The following CLPTM1L variants were observed in gnomAD, a reference collection of about 807,000 sequenced individuals.
CLPTM1L encodes the protein lipid scramblase CLPTM1L.
Under a neutral mutation model 70.9 loss-of-function variants are expected in CLPTM1L, and 38 were observed. The observed-to-expected ratio is 0.54, with a 90% CI of 0.41 to 0.70. The LOEUF is 0.70. Among genes scored for constraint, CLPTM1L ranks in the 30% least tolerant of loss-of-function variants. The pLI, the probability that CLPTM1L is intolerant of heterozygous loss-of-function variation, is 0.00. For missense variants in CLPTM1L, 652 were observed against 705.9 expected, an observed-to-expected ratio of 0.92 and a Z score of 0.87; for synonymous variants, 339 against 299.9, an observed-to-expected ratio of 1.13 and a Z score of -1.35.
chr5:1,341,628 G>T (rs368271917), intron 3 of CLPTM1L, 43 bp downstream of exon 3: 1 of 1,520,898 alleles, frequency 6.6e-7, no homozygotes, highest in Non-Finnish European at 9.0e-7. Flanking sequence ...CCGTTCTGAC[G>T]GAGAGGCACA....
chr5:1,331,705 G>T, intron 8 of CLPTM1L, 94 bp downstream of exon 8: 1 of 1,074,892 alleles, frequency 9.3e-7, no homozygotes, highest in Non-Finnish European at 1.4e-6. Context: ...GGCTGTGTCT[G>T]CAGCCAGCAG....
intron 2 of CLPTM1L, among the ~76,000 whole-genome samples, chr5:1,343,629 T>A (rs1754087187): frequency 1.3e-5 from 2 of 152,228 alleles, no homozygotes; most frequent in Non-Finnish European, 2.9e-5. Flanking sequence ...GGGCAGGAAC[T>A]GGCTTGAGGT....
At position 1,318,216 on chromosome 5, in the gene CLPTM1L, C is replaced by G. The variant is rs1561224398; in HGVS notation, c.*153G>C. 5 of 641,574 alleles carry G rather than the reference C, an allele frequency of 7.8e-6. No homozygotes were observed. The East Asian group carries it at 1.4e-4, about 18-fold the overall frequency. The allele number at this position is 641,574 out of a possible 1,614,324, so 39.7% of individuals were successfully genotyped here. A position where few individuals can be genotyped will look rare whatever the true frequency, so the allele number is the denominator to read the frequency against. On this transcript the variant is annotated 3_prime_UTR_variant, in exon 17 of 17. Coordinates refer to ENST00000320895, the MANE Select transcript of CLPTM1L (RefSeq NM_030782.5). The surrounding 1 kb of genome is among the most constrained non-coding windows in gnomAD (Gnocchi z 8.9). ...ATCGTAAGCGCTACCAGCTCCAAAT[C>G]TGACGTGATGGGAACTTGGGAGATG...
chr5:1,340,575 G>A (rs368301353), intron 3 of CLPTM1L, among the ~76,000 whole-genome samples: 1 of 152,178 alleles, frequency 6.6e-6, no homozygotes, highest in East Asian at 1.9e-4. Flanking sequence ...CACTTTTCAG[G>A]ACACTGGAGA....
At position 1,331,806 on chromosome 5, in the gene CLPTM1L, G is replaced by A. The variant is rs1360055969; in HGVS notation, c.969C>T (p.Thr323=). Residue 323 remains threonine, a synonymous_variant, in exon 8 of 17, where the codon ACC becomes ACT. Coordinates refer to ENST00000320895, the MANE Select transcript of CLPTM1L (RefSeq NM_030782.5). The part of the protein sequence containing the change: ...KKKKSMIGMS[T]KAVLWRCFST... ...CACGCTCGGGGGGCCTACCTGCCTT[G>A]GTGGACATGCCGATCATGCTCTTCT... The A allele has an allele frequency of 3.1e-6, 5 of 1,613,264 alleles. No homozygotes were observed. Among genetic ancestry groups the A allele is most frequent in the Non-Finnish European group, 4.2e-6 (5 of 1,179,948 alleles).
Position 1,318,370 on chromosome 5 carries a change from C to A in CLPTM1L, c.1616G>T (p.Ter539LeuextTer16). 2 of 1,613,150 alleles carry A rather than the reference C, an allele frequency of 1.2e-6. No homozygotes were observed. Among genetic ancestry groups the A allele is most frequent in the Non-Finnish European group, 1.7e-6 (2 of 1,179,572 alleles). The change falls in exon 17 of 17, where the codon TGA becomes TTA. Residue 539 changes from the stop codon to leucine (L), a stop_lost. Coordinates refer to ENST00000320895, the MANE Select transcript of CLPTM1L (RefSeq NM_030782.5). The surrounding 1 kb of genome is among the most constrained non-coding windows in gnomAD (Gnocchi z 8.9). ...EKATRAPHTD[*>L] ...GGCTGGCGGCAGCCCGGGCGGCCTT[C>A]AGTCCGTGTGGGGCGCCCGCGTGGC...
In CLPTM1L at chr5:1,335,090, T is replaced by C; in HGVS notation, c.763A>G (p.Met255Val). 1 of 1,613,478 alleles carries C rather than the reference T, an allele frequency of 6.2e-7. No individual in the cohort carries two copies. Residue 255 changes from methionine (M) to valine (V), a missense_variant, in exon 6 of 17, where the codon ATG becomes GTG. By Grantham distance (21) the Met-to-Val change is conservative. Coordinates refer to ENST00000320895, the MANE Select transcript of CLPTM1L (RefSeq NM_030782.5). ...SLGRLRFWIH[M>V]QDAVYSLQQF... ...TGCAGGGAGTACACGGCGTCCTGCA[T>C]GTGGATCCAGAAGCGCAGCCGCCCC...
At chr5:1,336,924 G>A (rs1011834438) in intron 5 of CLPTM1L, among the ~76,000 whole-genome samples, 1 of 152,156 alleles carries the variant, frequency 6.6e-6, no homozygotes, top group Non-Finnish European at 1.5e-5. Flanking sequence ...CCAGGTGCTC[G>A]CTTCTCCGTT....
intron 16 of CLPTM1L, among the ~76,000 whole-genome samples, chr5:1,319,836 G>T (rs889200432): frequency 2.6e-5 from 4 of 152,256 alleles, no homozygotes; most frequent in African/African-American, 9.6e-5. Context: ...AGGCCCTGGG[G>T]CCGGCACTGG....
At chr5:1,321,610 A>G (rs1432650618) in intron 15 of CLPTM1L, 25 bp downstream of exon 15, 1 of 1,607,354 alleles carries the variant, frequency 6.2e-7, no homozygotes, top group East Asian at 2.2e-5. Flanking sequence ...GTGAGAAGGG[A>G]TTCCTCACCG....
At chr5:1,325,117 C>A in intron 10 of CLPTM1L, 1 of 496,742 alleles carries the variant, frequency 2.0e-6, no homozygotes, top group East Asian at 3.4e-5. Flanking sequence ...GCAGAGCACA[C>A]AGGCACAGCC....
intron 13 of CLPTM1L, among the ~76,000 whole-genome samples, chr5:1,322,127 G>C (rs1041724205): frequency 6.6e-6 from 1 of 152,222 alleles, no homozygotes; most frequent in Admixed American, 6.5e-5. Context: ...ATGAGGACAC[G>C]GCCTCCTGAC....
Position 1,320,638 on chromosome 5 carries a change from G to A in CLPTM1L, c.1510C>T (p.Leu504=). Residue 504 remains leucine (L), a synonymous_variant, in exon 16 of 17, where the codon CTG becomes TTG. Coordinates refer to ENST00000320895, the MANE Select transcript of CLPTM1L (RefSeq NM_030782.5). ...LACFRDDVVF[L]VYLYQRWLYP... Reference sequence around the variant, plus strand: ...CACCACCGCTGGTACAGGTAGACCAGAAACACCACGTCGTCCCGGAAGCAG... The same window carrying A: ...CACCACCGCTGGTACAGGTAGACCAAAAACACCACGTCGTCCCGGAAGCAG... 1 of 1,544,468 alleles carries A rather than the reference G, an allele frequency of 6.5e-7. No individual in the cohort carries two copies. Among genetic ancestry groups the A allele is most frequent in the Non-Finnish European group, 8.7e-7 (1 of 1,143,204 alleles).
At chr5:1,336,113 G>A (rs1238752265) in intron 5 of CLPTM1L, among the ~76,000 whole-genome samples, 1 of 152,212 alleles carries the variant, frequency 6.6e-6, no homozygotes, top group African/African-American at 2.4e-5. Context: ...ACGTAGCCAA[G>A]TGGCATCAGT....
chr5:1,336,247 G>A (rs1308113570), intron 5 of CLPTM1L, among the ~76,000 whole-genome samples: 3 of 152,236 alleles, frequency 2.0e-5, no homozygotes, highest in Non-Finnish European at 4.4e-5. Context: ...TGCACCTGCT[G>A]CATCCCAGCT....
chr5:1,338,290 A>G (rs1753713294), intron 4 of CLPTM1L: 2 of 440,352 alleles, frequency 4.5e-6, no homozygotes, highest in South Asian at 2.3e-5. Context: ...CCCTCTGCGC[A>G]CTGACACGGA....
intron 9 of CLPTM1L, among the ~76,000 whole-genome samples, chr5:1,327,160 T>G (rs1398302600): frequency 4.8e-5 from 7 of 146,998 alleles, no homozygotes; most frequent in African/African-American, 1.3e-4. Context: ...GCTCCTCCTC[T>G]ACAGGCACAT....
At chr5:1,340,772 G>T (rs1455806066) in intron 3 of CLPTM1L, among the ~76,000 whole-genome samples, 4 of 152,172 alleles carry the variant, frequency 2.6e-5, no homozygotes, top group African/African-American at 9.6e-5. Flanking sequence ...CTGGAAAGCT[G>T]CCATCTTTCT....
chr5:1,321,742 C>T (rs1477293408), intron 14 of CLPTM1L, 22 bp downstream of exon 14: 40 of 1,613,798 alleles, frequency 2.5e-5, no homozygotes, highest in Non-Finnish European at 2.9e-5. Context: ...GGCCGGGCCG[C>T]GGGCAGCACA....
Sources: gnomAD v4.1 joint callset for allele counts (sites outside exome capture counted in the v4.1 genomes callset) on GRCh38, gnomAD v4.1.1 for gene constraint, Gnocchi (gnomAD v3.1) non-coding constraint, MANE v1.5 for transcripts, NCBI Gene and HGNC (gene_info 2026-07-23, HGNC 2026-07-21) for gene names.